The following DLGAP2 variants were observed in gnomAD, a reference collection of about 807,000 sequenced individuals.
DLGAP2 encodes disks large-associated protein 2.
DLGAP2 carries 26 observed loss-of-function variants against 100.3 expected under a neutral mutation model. The observed-to-expected ratio is 0.26, with a 90% confidence interval of 0.19 to 0.36. The LOEUF (loss-of-function observed/expected upper bound fraction) is 0.36, where lower values mean the gene tolerates loss of function less well. Among genes scored for constraint, DLGAP2 ranks in the 10% least tolerant of loss-of-function variants. The pLI is 1.00. For synonymous variants in DLGAP2, 886 were observed against 630.1 expected, an observed-to-expected ratio of 1.41 and a Z score of -6.08; for missense variants, 1,858 against 1,453.2, an observed-to-expected ratio of 1.28 and a Z score of -4.53.
intron 8 of DLGAP2, among the ~76,000 whole-genome samples, chr8:1,652,980 C>A (rs1798201648): frequency 6.6e-6 from 1 of 152,202 alleles, no homozygotes; most frequent in South Asian, 2.1e-4. Context: ...ATGAGAGTCG[C>A]AATTTCCTGG....
chr8:1,415,653 T>TA (rs1163506707), intron 3 of DLGAP2, among the ~76,000 whole-genome samples: 2 of 152,228 alleles, frequency 1.3e-5, no homozygotes, highest in African/African-American at 2.4e-5. Context: ...CATTCTCTCT[T>TA]ACGGCTGCAT....
intron 3 of DLGAP2, among the ~76,000 whole-genome samples, chr8:1,413,857 G>A (rs1458033357): frequency 2.0e-5 from 3 of 152,236 alleles, no homozygotes; most frequent in Non-Finnish European, 2.9e-5. Flanking sequence ...AGAGGCACGT[G>A]CAGATGCACA....
At chr8:1,667,944 C>A (rs1000611851) in intron 8 of DLGAP2, among the ~76,000 whole-genome samples, 1 of 151,872 alleles carries the variant, frequency 6.6e-6, no homozygotes, top group African/African-American at 2.4e-5. Context: ...AGGTGTGTCT[C>A]CGCTGCTGGA....
At chr8:1,418,018 C>T (rs952209565) in intron 3 of DLGAP2, among the ~76,000 whole-genome samples, 2 of 152,112 alleles carry the variant, frequency 1.3e-5, no homozygotes, top group Non-Finnish European at 2.9e-5. Flanking sequence ...TCTACAGTCC[C>T]GTTCTGGACA....
At chr8:1,657,311 A>C (rs974101534) in intron 8 of DLGAP2, among the ~76,000 whole-genome samples, 1 of 152,250 alleles carries the variant, frequency 6.6e-6, no homozygotes, top group Admixed American at 6.5e-5. Flanking sequence ...AATACATTTA[A>C]TGTTTGACAT....
At chr8:1,482,577 T>G (rs1406025647) in intron 3 of DLGAP2, among the ~76,000 whole-genome samples, 2 of 152,272 alleles carry the variant, frequency 1.3e-5, no homozygotes, top group Non-Finnish European at 2.9e-5. Flanking sequence ...CCCAGCTCAC[T>G]GGCATGGCTC....
chr8:1,534,816 T>C (rs1338142783), intron 4 of DLGAP2, among the ~76,000 whole-genome samples: 1 of 152,210 alleles, frequency 6.6e-6, no homozygotes, highest in Non-Finnish European at 1.5e-5. Context: ...GCGCGTGATG[T>C]GTGTGCGTGT....
chr8:1,584,365 G>T (rs955160860), intron 6 of DLGAP2, among the ~76,000 whole-genome samples: 1 of 152,146 alleles, frequency 6.6e-6, no homozygotes, highest in African/African-American at 2.4e-5. Flanking sequence ...TAGTCAAAAC[G>T]GGAGCAGACG....
At chr8:1,319,486 T>G (rs1800845214) in intron 3 of DLGAP2, among the ~76,000 whole-genome samples, 1 of 152,114 alleles carries the variant, frequency 6.6e-6, no homozygotes, top group African/African-American at 2.4e-5. Flanking sequence ...GGAGTGGGTG[T>G]GGAGGCAGCT....
At chr8:1,635,980 C>G (rs941261783) in intron 8 of DLGAP2, among the ~76,000 whole-genome samples, 16 of 152,186 alleles carry the variant, frequency 1.1e-4, no homozygotes, top group African/African-American at 3.9e-4. Flanking sequence ...ACAGAATACC[C>G]TGTGAGGCGG....
intron 8 of DLGAP2, among the ~76,000 whole-genome samples, chr8:1,636,001 G>C (rs4330720): frequency 0.36 from 54,228 of 152,046 alleles, 13,024 homozygotes; most frequent in African/African-American, 0.69. Flanking sequence ...TGTGAGCCAC[G>C]CATATAAACG....
intron 2 of DLGAP2, among the ~76,000 whole-genome samples, chr8:1,026,371 C>T (rs1180415869): frequency 6.6e-6 from 1 of 152,148 alleles, no homozygotes; most frequent in Non-Finnish European, 1.5e-5. Flanking sequence ...CTCCACTTCA[C>T]GGTTGGTGTT....
rs570729082 is a variant in DLGAP2 at position 1,213,506 on chromosome 8, G to C, written c.74-45345G>C. ...TCACATTATAATGTTAAATATTCCT[G>C]ACTTTATATCACCCGTGTTTTAGTG... On this transcript the variant is annotated intron_variant, in intron 2 of 14. Transcript: ENST00000637795. Among the ~76,000 whole-genome samples the C allele has an allele frequency of 4.6e-5, 7 of 152,146 alleles. No individual in the cohort carries two copies. The South Asian group carries it at 1.5e-3, about 32-fold the overall frequency.
At chr8:967,056 T>A (rs969047311) in intron 2 of DLGAP2, among the ~76,000 whole-genome samples, 6 of 152,254 alleles carry the variant, frequency 3.9e-5, no homozygotes, top group Admixed American at 1.3e-4. Context: ...TTCTTTTAAA[T>A]GAATGCTGAA....
chr8:1,417,171 C>G lies in DLGAP2; in HGVS notation c.107-84195C>G, dbSNP rs941744499. Among the ~76,000 whole-genome samples the G allele has an allele frequency of 1.6e-3, 213 of 132,252 alleles. 31 individuals carry two copies. Among genetic ancestry groups the G allele is most frequent in the African/African-American group, 6.1e-3 (202 of 33,070 alleles). 86.8% of individuals were successfully genotyped at this position (132,252 alleles called of 152,430 possible). On this transcript the variant is annotated intron_variant, in intron 3 of 14. Coordinates refer to ENST00000637795, the MANE Select transcript of DLGAP2 (RefSeq NM_001346810.2). Reference sequence around the variant, plus strand: ...GAGACTCTGAGTGAAGGGGAAGCCCCCGTTCATTTAGTGTCTGAGGCGGGG... The same window carrying G: ...GAGACTCTGAGTGAAGGGGAAGCCCGCGTTCATTTAGTGTCTGAGGCGGGG...
chr8:1,561,841 G>A (rs1418638507), intron 5 of DLGAP2, among the ~76,000 whole-genome samples: 1 of 28,930 alleles, frequency 3.5e-5, no homozygotes, highest in Non-Finnish European at 6.5e-5. Flanking sequence ...GGTGTTGGGT[G>A]TCCGCGCCTC....
chr8:779,653 T>C (rs1396078261), intron 1 of DLGAP2, among the ~76,000 whole-genome samples: 3 of 151,702 alleles, frequency 2.0e-5, no homozygotes, highest in Non-Finnish European at 4.4e-5. Context: ...TCTGAGAAGG[T>C]GGTAGTGACT....
intron 2 of DLGAP2, among the ~76,000 whole-genome samples, chr8:1,191,282 T>C (rs754216853): frequency 2.0e-5 from 3 of 150,354 alleles, no homozygotes; most frequent in South Asian, 2.1e-4. Flanking sequence ...GCCATTCTCC[T>C]GCCTCAGCCT....
At chr8:1,427,170 C>G (rs1235054291) in intron 3 of DLGAP2, among the ~76,000 whole-genome samples, 1 of 152,244 alleles carries the variant, frequency 6.6e-6, no homozygotes, top group East Asian at 1.9e-4. Flanking sequence ...CTTTTTACAA[C>G]TAGCATTAAA....
Sources: gnomAD v4.1 joint callset for allele counts (sites outside exome capture counted in the v4.1 genomes callset) on GRCh38, gnomAD v4.1.1 for gene constraint, MANE v1.5 for transcripts, NCBI Gene and HGNC (gene_info 2026-07-23, HGNC 2026-07-21) for gene names.